Variants in WIPF3 observed in about 807,000 individuals in gnomAD.
WIPF3 encodes WAS/WASL interacting protein family member 3.
WIPF3 carries 33 observed loss-of-function variants against 38.9 expected under a neutral mutation model. That is an observed-to-expected ratio of 0.85 (90% CI 0.64 to 1.14). WIPF3 has a LOEUF of 1.14. Ranked by LOEUF, WIPF3 falls within the 50% of genes most tolerant of loss-of-function variation. WIPF3 has a pLI of 0.00. For missense variants in WIPF3, 711 were observed against 652.5 expected (o/e 1.09, Z -0.98); for synonymous variants, 324 against 269.3 (o/e 1.20, Z -1.99).
intron 7 of WIPF3, among the ~76,000 whole-genome samples, chr7:29,901,478 T>G (rs920025835): frequency 1.3e-4 from 19 of 151,204 alleles, no homozygotes; most frequent in African/African-American, 4.1e-4. Context: ...CAATATTGTT[T>G]CTTGTCATAT....
At chr7:29,884,969 C>A (rs1384192900) in intron 5 of WIPF3, among the ~76,000 whole-genome samples, 1 of 152,200 alleles carries the variant, frequency 6.6e-6, no homozygotes, top group African/African-American at 2.4e-5. Flanking sequence ...TACTACCAAC[C>A]TTCCAACTCC....
chr7:29,857,562 G>A (rs1242887047), intron 2 of WIPF3, among the ~76,000 whole-genome samples: 1 of 151,976 alleles, frequency 6.6e-6, no homozygotes, highest in African/African-American at 2.4e-5. Context: ...CCAATTCAAG[G>A]AGAAGACACA....
At chr7:29,814,988 G>A (rs1210428716) in intron 1 of WIPF3, among the ~76,000 whole-genome samples, 2 of 152,144 alleles carry the variant, frequency 1.3e-5, no homozygotes, top group Non-Finnish European at 2.9e-5. Flanking sequence ...AACCAAAAGT[G>A]TACTTTCTTC....
chr7:29,883,674 T>A (rs1378690643), intron 4 of WIPF3, among the ~76,000 whole-genome samples, 176 bp from the exon 5 acceptor site: 1 of 152,086 alleles, frequency 6.6e-6, no homozygotes, highest in Non-Finnish European at 1.5e-5. Context: ...TCTGGTCCAG[T>A]TGGTCCTTCT....
At chr7:29,887,929 A>C in intron 5 of WIPF3, 139 bp from the exon 6 acceptor site, 3 of 986,066 alleles carry the variant, frequency 3.0e-6, no homozygotes, top group Non-Finnish European at 4.4e-6. Flanking sequence ...AGTGCCAAGC[A>C]GGTTGACTCC....
intron 4 of WIPF3, among the ~76,000 whole-genome samples, chr7:29,882,365 A>G (rs1010475447): frequency 6.6e-6 from 1 of 152,154 alleles, no homozygotes; most frequent in African/African-American, 2.4e-5. Flanking sequence ...TTTTTGTATT[A>G]TATGGAAAAA....
At chr7:29,828,229 A>G (rs1180266442) in intron 1 of WIPF3, among the ~76,000 whole-genome samples, 1 of 152,232 alleles carries the variant, frequency 6.6e-6, no homozygotes, top group Non-Finnish European at 1.5e-5. Context: ...TGACGAGAGC[A>G]ACTAGTGTGT....
At chr7:29,908,631 C>T (rs115985982) in intron 8 of WIPF3, among the ~76,000 whole-genome samples, 1,552 of 152,258 alleles carry the variant, frequency 0.01, 32 homozygotes, top group East Asian at 0.057. Context: ...AGATATCAGG[C>T]CAGGCATGGT....
At chr7:29,834,281 C>T (rs536367956) in intron 1 of WIPF3, among the ~76,000 whole-genome samples, 26 of 152,048 alleles carry the variant, frequency 1.7e-4, no homozygotes, top group African/African-American at 6.0e-4. Flanking sequence ...GGAGTCTATG[C>T]AGAATGATTG....
chr7:29,857,085 T>G (rs769929720), intron 2 of WIPF3, among the ~76,000 whole-genome samples: 1 of 152,130 alleles, frequency 6.6e-6, no homozygotes, highest in African/African-American at 2.4e-5. Context: ...ATAAGAGACC[T>G]TGGTGATTAA....
chr7:29,830,069 T>C (rs1784692128), intron 1 of WIPF3, among the ~76,000 whole-genome samples: 1 of 151,152 alleles, frequency 6.6e-6, no homozygotes, highest in African/African-American at 2.4e-5. Flanking sequence ...TAACAAATAC[T>C]TCTTTAGATA....
intron 8 of WIPF3, chr7:29,904,692 T>C (rs1470009845): frequency 3.7e-6 from 1 of 269,664 alleles, no homozygotes; most frequent in Non-Finnish European, 7.1e-6. Context: ...ATAACATGTA[T>C]AAAACATAAT....
chr7:29,899,069 T>C (rs1475110087), intron 7 of WIPF3, among the ~76,000 whole-genome samples: 1 of 152,166 alleles, frequency 6.6e-6, no homozygotes, highest in East Asian at 1.9e-4. Flanking sequence ...TCTTCCTGGC[T>C]TGCAGAGGGC....
intron 1 of WIPF3, among the ~76,000 whole-genome samples, chr7:29,816,439 C>T (rs1185319589): frequency 6.6e-6 from 1 of 152,116 alleles, no homozygotes; most frequent in Non-Finnish European, 1.5e-5. Flanking sequence ...CAAGCCTCAG[C>T]CTCCTGAGTA....
At chr7:29,889,508 A>T in intron 7 of WIPF3, 101 bp downstream of exon 7, 1 of 858,324 alleles carries the variant, frequency 1.2e-6, no homozygotes, top group Non-Finnish European at 1.9e-6. Context: ...GGATGATGTC[A>T]TGATTTCACT....
At chr7:29,901,877 C>T (rs1219583751) in intron 7 of WIPF3, among the ~76,000 whole-genome samples, 3 of 149,338 alleles carry the variant, frequency 2.0e-5, no homozygotes, top group Non-Finnish European at 3.0e-5. Context: ...GAAAGAAAAC[C>T]AGTGGGAATT....
chr7:29,852,800 A>AGAAAAAG lies in WIPF3; in HGVS notation c.90+17990_90+17996dup, dbSNP rs1426138641. 2.6e-5 allele frequency among the ~76,000 whole-genome samples: 4 copies of AGAAAAAG among 152,352 alleles called. No individual in the cohort carries two copies. In the East Asian group the frequency reaches 7.7e-4, roughly 29 times the overall value. ...AGTTTCAGGTTGGGAGGACAAGTTT[A>AGAAAAAG]GAAAAAGGAAGGAGTGTGTGTCCAA... is the stretch of plus-strand genomic sequence containing the variant. On this transcript the variant is annotated intron_variant, in intron 2 of 8. Coordinates refer to ENST00000242140, the MANE Select transcript of WIPF3 (RefSeq NM_001080529.3).
chr7:29,811,231 G>C (rs908354752), intron 1 of WIPF3, among the ~76,000 whole-genome samples: 23 of 149,118 alleles, frequency 1.5e-4, no homozygotes, highest in Admixed American at 9.5e-4. Context: ...CTCATTCATA[G>C]CAATGTTCAG....
At position 29,883,976 on chromosome 7, in the gene WIPF3, C is replaced by T; in HGVS notation, c.482C>T (p.Ala161Val). 6.5e-7 allele frequency: 1 copy of T among 1,541,780 alleles called. No individual in the cohort carries two copies. The highest frequency in any genetic ancestry group is 8.8e-7 in the Non-Finnish European group (1 of 1,142,174). ...GGCAATACCTCCGAGGCGCATGGCGCTGCCAGGACAGCCCCGCCTCGCCCC... is the reference window on the plus strand; with the variant it reads ...GGCAATACCTCCGAGGCGCATGGCGTTGCCAGGACAGCCCCGCCTCGCCCC... ...RLGNTSEAHG[A>V]ARTAPPRPNV... Residue 161 changes from alanine to valine, a missense_variant, in exon 5 of 9, where the codon GCT (alanine) becomes GTT (valine). Coordinates refer to ENST00000242140, the MANE Select transcript of WIPF3 (RefSeq NM_001080529.3).
Sources: allele counts gnomAD v4.1 joint callset (sites outside exome capture counted in the v4.1 genomes callset), GRCh38; gene constraint gnomAD v4.1.1; transcripts MANE v1.5; gene names NCBI Gene and HGNC (gene_info 2026-07-23, HGNC 2026-07-21).